The following COL19A1 variants were observed in gnomAD, a reference collection of about 807,000 sequenced individuals.
COL19A1 encodes collagen type XIX alpha 1 chain, also known as collagen alpha-1(XIX) chain.
COL19A1 carries 159 observed loss-of-function variants against 190.2 expected under a neutral mutation model. The observed-to-expected ratio is 0.84, with a 90% CI of 0.73 to 0.95. The LOEUF is 0.95. COL19A1 is among the 40% of genes least tolerant of loss of function. The pLI, the probability that COL19A1 is intolerant of heterozygous loss-of-function variation, is 0.00. For synonymous variants in COL19A1, 509 were observed against 458.9 expected (o/e 1.11, Z -1.39); for missense variants, 1,418 against 1,431.9 (o/e 0.99, Z 0.16).
In COL19A1 at chr6:70,055,458, A is replaced by G. The variant is rs140046955; in HGVS notation, c.1171-12965A>G. 2.7e-3 allele frequency among the ~76,000 whole-genome samples: 404 copies of G among 152,234 alleles called. 8 individuals are homozygous for G. Among genetic ancestry groups the G allele is most frequent in the African/African-American group, 9.3e-3 (386 of 41,558 alleles). On this transcript the variant is annotated intron_variant, in intron 14 of 50. Transcript: ENST00000620364. ...ACAGATGAATGGTTAATAAAGTTAT[A>G]AAACTTTTTATTTAAACAAATATAA...
chr6:69,987,848 C>T (rs777736268), intron 11 of COL19A1, among the ~76,000 whole-genome samples: 5 of 152,146 alleles, frequency 3.3e-5, no homozygotes, highest in African/African-American at 4.8e-5. Context: ...AGAAAATTTA[C>T]TCAAGTAGTG....
At chr6:70,147,517 G>A (rs755083045) in intron 27 of COL19A1, among the ~76,000 whole-genome samples, 2 of 152,136 alleles carry the variant, frequency 1.3e-5, no homozygotes, top group Non-Finnish European at 2.9e-5. Context: ...AACAAGAAAA[G>A]TGGAAATAAA....
chr6:70,115,015 T>C (rs1784483373), intron 16 of COL19A1, among the ~76,000 whole-genome samples: 1 of 152,188 alleles, frequency 6.6e-6, no homozygotes, highest in African/African-American at 2.4e-5. Context: ...CAATCCAAGT[T>C]AACCTGAAGA....
At chr6:69,972,169 TC>T (rs1742127735) in intron 11 of COL19A1, among the ~76,000 whole-genome samples, 1 of 152,170 alleles carries the variant, frequency 6.6e-6, no homozygotes, top group Admixed American at 6.5e-5. Context: ...TCATTTAGCT[TC>T]CCTCTATCCA....
At chr6:70,161,228 A>G (rs935201884) in intron 34 of COL19A1, among the ~76,000 whole-genome samples, 4 of 152,196 alleles carry the variant, frequency 2.6e-5, no homozygotes, top group African/African-American at 4.8e-5. Flanking sequence ...AATAAATATT[A>G]TATCATAAAA....
chr6:69,944,538 T>A (rs982345982), intron 9 of COL19A1, among the ~76,000 whole-genome samples: 1 of 152,138 alleles, frequency 6.6e-6, no homozygotes, highest in African/African-American at 2.4e-5. Context: ...ATTGTTCTAC[T>A]ACAGTTTTTT....
At chr6:70,057,585 ATC>A (rs1395688502) in intron 14 of COL19A1, among the ~76,000 whole-genome samples, 1 of 151,994 alleles carries the variant, frequency 6.6e-6, no homozygotes, top group Non-Finnish European at 1.5e-5. Context: ...AGATACTTTA[ATC>A]TCTTCTGTTC....
At chr6:69,966,843 A>T (rs954119348) in intron 11 of COL19A1, among the ~76,000 whole-genome samples, 3 of 152,050 alleles carry the variant, frequency 2.0e-5, no homozygotes, top group African/African-American at 7.2e-5. Context: ...TTCACTCCTT[A>T]ACCCTGAGCT....
rs373930826 is a variant in COL19A1 at position 70,040,644 on chromosome 6, C to G, written c.1170+4705C>G. ...TTGAATCCTTCTATAGATTCATGTTCACGGGTCATATGGAAAATACTCCAA... is the reference window on the plus strand; with the variant it reads ...TTGAATCCTTCTATAGATTCATGTTGACGGGTCATATGGAAAATACTCCAA... On this transcript the variant is annotated intron_variant, in intron 14 of 50. Coordinates refer to ENST00000620364, the MANE Select transcript of COL19A1 (RefSeq NM_001858.6). 2.2e-3 allele frequency among the ~76,000 whole-genome samples: 339 copies of G among 151,994 alleles called. 2 individuals carry two copies. Among genetic ancestry groups the G allele is most frequent in the African/African-American group, 7.9e-3 (327 of 41,446 alleles).
chr6:70,210,397 A>G lies in COL19A1; in HGVS notation c.*3123A>G, dbSNP rs1220508867. Reference sequence around the variant, plus strand: ...ACCATTACTTCTAACCGTAACACAAACACAGCAAGTTTTAACCTTTTAAAC... The same window carrying G: ...ACCATTACTTCTAACCGTAACACAAGCACAGCAAGTTTTAACCTTTTAAAC... On this transcript the variant is annotated 3_prime_UTR_variant, in exon 51 of 51. Transcript: ENST00000620364. Among the ~76,000 whole-genome samples, 1 of 152,176 alleles carries G rather than the reference A, an allele frequency of 6.6e-6. No individual in the cohort carries two copies. Among genetic ancestry groups the G allele is most frequent in the Non-Finnish European group, 1.5e-5 (1 of 67,996 alleles).
At chr6:69,972,289 T>A (rs2150056143) in intron 11 of COL19A1, among the ~76,000 whole-genome samples, 1 of 152,356 alleles carries the variant, frequency 6.6e-6, no homozygotes, top group Non-Finnish European at 1.5e-5. Context: ...ATACTGCACC[T>A]GTATAGCATT....
At chr6:70,019,952 A>T (rs1203402605) in intron 11 of COL19A1, among the ~76,000 whole-genome samples, 1 of 152,118 alleles carries the variant, frequency 6.6e-6, no homozygotes, top group Non-Finnish European at 1.5e-5. Context: ...AATATGCAAC[A>T]CTTGTGAATA....
intron 1 of COL19A1, among the ~76,000 whole-genome samples, chr6:69,874,450 A>G (rs1768012519): frequency 6.6e-6 from 1 of 152,218 alleles, no homozygotes; most frequent in African/African-American, 2.4e-5. Flanking sequence ...TAGCGAACAC[A>G]TTTTAGAAAT....
chr6:69,921,451 TC>T (rs1561998382), intron 4 of COL19A1, among the ~76,000 whole-genome samples: 7 of 20,570 alleles, frequency 3.4e-4, no homozygotes, highest in East Asian at 2.6e-3. Context: ...ATATCATATA[TC>T]ATATATATCA....
chr6:70,144,904 CT>C lies in COL19A1; in HGVS notation c.1681-12del, dbSNP rs560818765. On this transcript the variant is annotated splice_polypyrimidine_tract_variant and intron_variant, in intron 24 of 50. Coordinates refer to ENST00000620364, the MANE Select transcript of COL19A1 (RefSeq NM_001858.6). Reference sequence around the variant, plus strand: ...CTGAGCATCAAAGTAAGAATCTTACCTTGTTTTCTACAGGGAGATCCGGGTG... The same window carrying C: ...CTGAGCATCAAAGTAAGAATCTTACCTGTTTTCTACAGGGAGATCCGGGTG... 438 of 1,509,188 alleles carry C rather than the reference CT, an allele frequency of 2.9e-4. No individual in the cohort carries two copies. Among genetic ancestry groups the C allele is most frequent in the Admixed American group, 1.8e-3 (95 of 52,754 alleles). 93.5% of individuals were successfully genotyped at this position (1,509,188 alleles called of 1,614,324 possible).
chr6:70,154,224 T>G (rs1222838178), intron 31 of COL19A1, among the ~76,000 whole-genome samples: 2 of 151,840 alleles, frequency 1.3e-5, no homozygotes, highest in Admixed American at 6.6e-5. Flanking sequence ...TTTTCTATTC[T>G]TGTCTTAGTT....
rs1165790797 is a variant in COL19A1 at position 70,207,703 on chromosome 6, A to G, written c.*429A>G. ...TTCCTTGGTGTTTAAATTTACTATC[A>G]TTGCTAAACATCTCGTCAACTTTTT... is the stretch of plus-strand genomic sequence containing the variant. On this transcript the variant is annotated 3_prime_UTR_variant, in exon 51 of 51. Coordinates refer to ENST00000620364, the MANE Select transcript of COL19A1 (RefSeq NM_001858.6). The G allele has an allele frequency of 6.6e-6, 1 of 152,496 alleles. No individual in the cohort carries two copies. The highest frequency in any genetic ancestry group is 1.5e-5 in the Non-Finnish European group (1 of 68,310). The allele number at this position is 152,496 out of a possible 1,614,324, so 9.4% of individuals were successfully genotyped here.
chr6:70,025,123 T>C (rs1778658622), intron 12 of COL19A1, among the ~76,000 whole-genome samples: 1 of 151,554 alleles, frequency 6.6e-6, no homozygotes, highest in Non-Finnish European at 1.5e-5. Flanking sequence ...CTCCGCCTCC[T>C]GGGTTCACGC....
intron 13 of COL19A1, among the ~76,000 whole-genome samples, chr6:70,034,837 A>G (rs908236571): frequency 1.3e-5 from 2 of 152,274 alleles, no homozygotes; most frequent in African/African-American, 2.4e-5. Flanking sequence ...TGAAAATTGT[A>G]TGTATATGTG....
Sources: allele counts gnomAD v4.1 joint callset (sites outside exome capture counted in the v4.1 genomes callset), GRCh38; gene constraint gnomAD v4.1.1; transcripts MANE v1.5; gene names NCBI Gene and HGNC (gene_info 2026-07-23, HGNC 2026-07-21).